VPS13B: variants seen among roughly 807,000 people sequenced by gnomAD.
The protein encoded by VPS13B is vacuolar protein sorting 13 homolog B.
Under a neutral mutation model 426.4 loss-of-function variants are expected in VPS13B, and 285 were observed. The observed-to-expected ratio is 0.67, with a 90% CI of 0.61 to 0.74. VPS13B has a LOEUF of 0.74. Ranked by LOEUF, VPS13B falls within the 30% of genes least tolerant of loss-of-function variation. VPS13B has a pLI of 0.00. For missense variants in VPS13B, 4,537 were observed against 4,782.6 expected (o/e 0.95, Z 1.51); for synonymous variants, 1,676 against 1,676.4 (o/e 1.00, Z 0.01).
At chr8:99,388,022 A>G (rs1297388859) in intron 20 of VPS13B, among the ~76,000 whole-genome samples, 3 of 152,254 alleles carry the variant, frequency 2.0e-5, no homozygotes, top group Non-Finnish European at 4.4e-5. Flanking sequence ...AGGTTGATAA[A>G]GTATGAAATA....
intron 33 of VPS13B, among the ~76,000 whole-genome samples, chr8:99,591,798 T>C (rs1054235999): frequency 1.3e-5 from 2 of 152,122 alleles, no homozygotes; most frequent in Non-Finnish European, 2.9e-5. Context: ...TTTCCTTCAT[T>C]TCAACCTTAA....
chr8:99,595,843 G>T (rs7816771), intron 33 of VPS13B, among the ~76,000 whole-genome samples: 20,762 of 151,852 alleles, frequency 0.14, 1,970 homozygotes, highest in East Asian at 0.39. Flanking sequence ...TTTTAAATGG[G>T]CTCAAAGAAT....
chr8:99,769,079 C>A lies in VPS13B; in HGVS notation c.7247+2109C>A, dbSNP rs545134379. ...AGCTTAGCAGTATAGAAATGTGGAGCCTTTAGGAAACAGAAATTTAAGCAG... is the reference window on the plus strand; with the variant it reads ...AGCTTAGCAGTATAGAAATGTGGAGACTTTAGGAAACAGAAATTTAAGCAG... On this transcript the variant is annotated intron_variant, in intron 40 of 61. Coordinates refer to ENST00000357162, the MANE Select transcript of VPS13B (RefSeq NM_152564.5). Among the ~76,000 whole-genome samples, 24 of 152,150 alleles carry A rather than the reference C, an allele frequency of 1.6e-4. No individual in the cohort carries two copies. In the East Asian group the frequency reaches 4.1e-3, roughly 26 times the overall value.
At chr8:99,057,596 C>T (rs1038188365) in intron 3 of VPS13B, among the ~76,000 whole-genome samples, 1 of 152,180 alleles carries the variant, frequency 6.6e-6, no homozygotes, top group African/African-American at 2.4e-5. Context: ...ATTTTTTACT[C>T]ACAAAATGCT....
intron 35 of VPS13B, among the ~76,000 whole-genome samples, chr8:99,665,631 A>G (rs1166247865): frequency 6.6e-6 from 1 of 152,010 alleles, no homozygotes; most frequent in Non-Finnish European, 1.5e-5. Flanking sequence ...ATAGTTGTAG[A>G]TATGCAGCAT....
chr8:99,601,150 GC>G (rs1306379717), intron 33 of VPS13B, among the ~76,000 whole-genome samples: 1 of 151,544 alleles, frequency 6.6e-6, no homozygotes, highest in Non-Finnish European at 1.5e-5. Flanking sequence ...ACCTCCCCTA[GC>G]CCCTGACCCC....
chr8:99,832,706 T>G, intron 52 of VPS13B, 54 bp downstream of exon 52: 2 of 1,572,602 alleles, frequency 1.3e-6, no homozygotes, highest in Non-Finnish European at 1.7e-6. Flanking sequence ...GTCTAGCTGT[T>G]CATCTAGATG....
intron 44 of VPS13B, 99 bp downstream of exon 44, chr8:99,809,629 C>A: frequency 1.4e-6 from 2 of 1,425,476 alleles, no homozygotes; most frequent in South Asian, 1.2e-5. Flanking sequence ...AGTGGTTATG[C>A]CTAGTTATAT....
chr8:99,625,461 C>T (rs935729477), intron 33 of VPS13B, among the ~76,000 whole-genome samples: 4 of 152,094 alleles, frequency 2.6e-5, no homozygotes, highest in Admixed American at 2.6e-4. Context: ...GATCAGCAAC[C>T]AAGCACTTTG....
At chr8:99,432,579 A>C (rs1280990704) in intron 22 of VPS13B, among the ~76,000 whole-genome samples, 3 of 152,206 alleles carry the variant, frequency 2.0e-5, no homozygotes, top group African/African-American at 7.2e-5. Flanking sequence ...AACATAGCTA[A>C]GTACCTAGTA....
At chr8:99,518,915 A>G (rs192295111) in intron 29 of VPS13B, among the ~76,000 whole-genome samples, 1 of 152,320 alleles carries the variant, frequency 6.6e-6, no homozygotes, top group African/African-American at 2.4e-5. Context: ...TCTTGCAGCC[A>G]GTCATTTTCT....
intron 44 of VPS13B, among the ~76,000 whole-genome samples, chr8:99,814,849 C>T (rs1813929707): frequency 1.3e-5 from 2 of 151,980 alleles, no homozygotes; most frequent in African/African-American, 2.4e-5. Context: ...AAAGAGCAGC[C>T]CTTACTTTCT....
chr8:99,519,089 T>C (rs1225394548), intron 29 of VPS13B, among the ~76,000 whole-genome samples: 3 of 152,222 alleles, frequency 2.0e-5, no homozygotes, highest in African/African-American at 7.2e-5. Context: ...AAAATGTAAA[T>C]GTATTTTTTT....
At chr8:99,697,514 A>G in intron 35 of VPS13B, 3 of 736,902 alleles carry the variant, frequency 4.1e-6, no homozygotes, top group East Asian at 2.4e-5. Flanking sequence ...CACCAAAGAG[A>G]AGGAGGAGCT....
At chr8:99,065,478 ACT>A (rs1844434756) in intron 3 of VPS13B, among the ~76,000 whole-genome samples, 1 of 152,156 alleles carries the variant, frequency 6.6e-6, no homozygotes, top group South Asian at 2.1e-4. Context: ...CATACTAAAA[ACT>A]CTCAATAAAC....
chr8:99,254,464 T>A (rs1817650696), intron 17 of VPS13B, among the ~76,000 whole-genome samples: 1 of 151,918 alleles, frequency 6.6e-6, no homozygotes, highest in East Asian at 1.9e-4. Context: ...CCATTCAGTA[T>A]TTTTTCTTTT....
intron 59 of VPS13B, among the ~76,000 whole-genome samples, chr8:99,869,550 G>T (rs1248140016): frequency 1.3e-5 from 2 of 152,144 alleles, no homozygotes; most frequent in Non-Finnish European, 2.9e-5. Context: ...TGAATGACAT[G>T]TTCACTCACA....
chr8:99,563,005 T>C (rs1226830303), intron 31 of VPS13B, among the ~76,000 whole-genome samples: 1 of 152,022 alleles, frequency 6.6e-6, no homozygotes, highest in African/African-American at 2.4e-5. Flanking sequence ...AACAACACAA[T>C]TTTTTTAATT....
At chr8:99,834,616 A>T (rs1035093179) in intron 52 of VPS13B, among the ~76,000 whole-genome samples, 5 of 151,918 alleles carry the variant, frequency 3.3e-5, no homozygotes, top group African/African-American at 9.7e-5. Context: ...GGCTCACTGC[A>T]TCCTCAACCT....
Sources: gnomAD v4.1 joint callset for allele counts (sites outside exome capture counted in the v4.1 genomes callset) on GRCh38, gnomAD v4.1.1 for gene constraint, MANE v1.5 for transcripts, NCBI Gene and HGNC (gene_info 2026-07-23, HGNC 2026-07-21) for gene names.